The following SRSF10 variants were observed in gnomAD, a reference collection of about 807,000 sequenced individuals.
SRSF10 encodes serine/arginine-rich splicing factor 10.
In SRSF10, 9 loss-of-function variants were observed where a neutral mutation model predicts 32.6. The observed-to-expected ratio is 0.28, with a 90% CI of 0.17 to 0.48. SRSF10 has a LOEUF of 0.48. Among genes scored for constraint, SRSF10 ranks in the 20% least tolerant of loss-of-function variants. SRSF10 has a pLI of 0.99. For missense variants in SRSF10, 201 were observed against 331.8 expected, an observed-to-expected ratio of 0.61 and a Z score of 3.06; for synonymous variants, 105 against 112.4, an observed-to-expected ratio of 0.93 and a Z score of 0.42.
chr1:23,964,685 T>C lies in SRSF10; in HGVS notation c.*6457A>G, dbSNP rs1166807215. ...TTCTAGTATTTTGGTTGCATTCTTGTAGGCAATTTGTAAAGCAAGAGGGAC... is the reference window on the plus strand; with the variant it reads ...TTCTAGTATTTTGGTTGCATTCTTGCAGGCAATTTGTAAAGCAAGAGGGAC... On this transcript the variant is annotated 3_prime_UTR_variant, in exon 6 of 6. Transcript: ENST00000492112. 1.3e-5 allele frequency: 2 copies of C among 152,006 alleles called. No homozygotes were observed. Among genetic ancestry groups the C allele is most frequent in the Non-Finnish European group, 2.9e-5 (2 of 67,896 alleles). 9.4% of individuals were successfully genotyped at this position (152,006 alleles called of 1,614,324 possible). A position where few individuals can be genotyped will look rare whatever the true frequency, so the allele number is the denominator to read the frequency against.
At chr1:23,979,494 G>C (rs1642317020) in intron 1 of SRSF10, among the ~76,000 whole-genome samples, 1 of 152,078 alleles carries the variant, frequency 6.6e-6, no homozygotes, top group Non-Finnish European at 1.5e-5. Context: ...CGAAACAAGG[G>C]AATGGTGAGA....
intron 3 of SRSF10, among the ~76,000 whole-genome samples, chr1:23,974,550 C>T (rs1641967160): frequency 6.6e-6 from 1 of 152,196 alleles, no homozygotes; most frequent in African/African-American, 2.4e-5. Context: ...GGGCCAGGCA[C>T]AGTAGCTCAC....
rs1458119518 is a variant in SRSF10 at position 23,967,928 on chromosome 1, A to C, written c.*3214T>G. On this transcript the variant is annotated 3_prime_UTR_variant, in exon 6 of 6. Transcript: ENST00000492112. ...ACCTTTCCTCTCTCACTGAAGCATTATCTCTCATTTTTCTTCTTGCTTACT... is the reference window on the plus strand; with the variant it reads ...ACCTTTCCTCTCTCACTGAAGCATTCTCTCTCATTTTTCTTCTTGCTTACT... 73 of 1,544,698 alleles carry C rather than the reference A, an allele frequency of 4.7e-5. No individual in the cohort carries two copies. Among genetic ancestry groups the C allele is most frequent in the African/African-American group, 2.8e-5 (2 of 71,818 alleles).
chr1:23,966,794 G>A lies in SRSF10; in HGVS notation c.*4348C>T, dbSNP rs1370407521. On this transcript the variant is annotated 3_prime_UTR_variant, in exon 6 of 6. Coordinates refer to ENST00000492112, the MANE Select transcript of SRSF10 (RefSeq NM_054016.4). Reference sequence around the variant, plus strand: ...ATTTTTTCATTATTTATAATAATGTGATCAAATACTGGATACTTTTAAATG... The same window carrying A: ...ATTTTTTCATTATTTATAATAATGTAATCAAATACTGGATACTTTTAAATG... The A allele has an allele frequency of 6.6e-6, 1 of 151,958 alleles. No homozygotes were observed. Among genetic ancestry groups the A allele is most frequent in the African/African-American group, 2.4e-5 (1 of 41,382 alleles). The allele number at this position is 151,958 out of a possible 1,614,324, so 9.4% of individuals were successfully genotyped here. A position where few individuals can be genotyped will look rare whatever the true frequency, so the allele number is the denominator to read the frequency against.
In SRSF10 at chr1:23,967,401, G is replaced by C; in HGVS notation, c.*3741C>G. On this transcript the variant is annotated 3_prime_UTR_variant, in exon 6 of 6. Coordinates refer to ENST00000492112, the MANE Select transcript of SRSF10 (RefSeq NM_054016.4). ...ATCCTAGTTTCCAATAATTTATTAT[G>C]GACCTGTTACCCATGAATCAATATA... is the stretch of plus-strand genomic sequence containing the variant. The C allele has an allele frequency of 2.9e-6, 1 of 349,698 alleles. No homozygotes were observed. 21.7% of individuals were successfully genotyped at this position (349,698 alleles called of 1,614,324 possible).
chr1:23,974,937 A>T, intron 3 of SRSF10, 37 bp downstream of exon 3: 2 of 1,426,852 alleles, frequency 1.4e-6, no homozygotes, highest in Admixed American at 3.8e-5. Flanking sequence ...ACACTAAAAA[A>T]TAATGTTTCA....
intron 5 of SRSF10, 67 bp from the exon 6 acceptor site, chr1:23,971,506 T>C (rs1235583927): frequency 1.3e-6 from 2 of 1,589,892 alleles, no homozygotes; most frequent in Non-Finnish European, 1.7e-6. Flanking sequence ...AATTTGTTAT[T>C]TTTAGAGCAA....
At position 23,980,283 on chromosome 1, in the gene SRSF10, C is replaced by G; in HGVS notation, c.-28G>C. The G allele has an allele frequency of 1.4e-6, 2 of 1,450,404 alleles. No homozygotes were observed. Among genetic ancestry groups the G allele is most frequent in the Non-Finnish European group, 1.8e-6 (2 of 1,094,682 alleles). 89.8% of individuals were successfully genotyped at this position (1,450,404 alleles called of 1,614,324 possible). The stretch of plus-strand genomic sequence containing the variant: ...CGGCGGCGTGTCTCGGCCGGGCGCA[C>G]TAACGGGCTCAGCAAACCGTCCGCG... On this transcript the variant is annotated 5_prime_UTR_variant, in exon 1 of 6. Transcript: ENST00000492112.
rs1239238886 is a variant in SRSF10, at chr1:23,975,168, CAAT to C, written c.171-94_171-92del. ...ATGTCTGGAACAATTCACAATCTCC[CAAT>C]ATTATTCCAGAACATCAACCAGACC... On this transcript the variant is annotated intron_variant, in intron 2 of 5. Transcript: ENST00000492112. 2.1e-5 allele frequency: 21 copies of C among 1,013,348 alleles called. 2 individuals carry two copies. In the East Asian group the frequency reaches 3.8e-4, roughly 18 times the overall value. 62.8% of individuals were successfully genotyped at this position (1,013,348 alleles called of 1,614,324 possible).
Position 23,967,567 on chromosome 1 carries a change from A to G in SRSF10, c.*3575T>C. 1.4e-6 allele frequency: 1 copy of G among 693,850 alleles called. No homozygotes were observed. The highest frequency in any genetic ancestry group is 2.6e-6 in the Non-Finnish European group (1 of 389,858). The allele number at this position is 693,850 out of a possible 1,614,324, so 43.0% of individuals were successfully genotyped here. A position where few individuals can be genotyped will look rare whatever the true frequency, so the allele number is the denominator to read the frequency against. ...CGATAACATTCTTTTATCTTTTCAG[A>G]CCAGAGTCAAAATATTCGTACAGTA... On this transcript the variant is annotated 3_prime_UTR_variant, in exon 6 of 6. Coordinates refer to ENST00000492112, the MANE Select transcript of SRSF10 (RefSeq NM_054016.4).
intron 3 of SRSF10, among the ~76,000 whole-genome samples, chr1:23,973,992 A>T (rs1205746196): frequency 7.5e-6 from 1 of 134,200 alleles, no homozygotes; most frequent in African/African-American, 2.8e-5. Context: ...CTCAGCAGCT[A>T]TTTTTTTTTT....
Position 23,967,015 on chromosome 1 carries a change from T to C in SRSF10, c.*4127A>G, listed in dbSNP as rs1641487146. On this transcript the variant is annotated 3_prime_UTR_variant, in exon 6 of 6. Transcript: ENST00000492112. ...TTATCTATTTTTCTCAATTATCCAGTACAATGATTTGCCCACAGTAAGGGC... is the reference window on the plus strand; with the variant it reads ...TTATCTATTTTTCTCAATTATCCAGCACAATGATTTGCCCACAGTAAGGGC... 6.6e-6 allele frequency: 1 copy of C among 152,132 alleles called. No homozygotes were observed. The highest frequency in any genetic ancestry group is 6.6e-5 in the Admixed American group (1 of 15,264). The allele number at this position is 152,132 out of a possible 1,614,324, so 9.4% of individuals were successfully genotyped here. A position where few individuals can be genotyped will look rare whatever the true frequency, so the allele number is the denominator to read the frequency against.
chr1:23,971,984 C>T lies in SRSF10; in HGVS notation c.303G>A (p.Gly101=). 6.5e-7 allele frequency: 1 copy of T among 1,527,994 alleles called. No individual in the cohort carries two copies. Among genetic ancestry groups the T allele is most frequent in the Non-Finnish European group, 8.7e-7 (1 of 1,144,358 alleles). 94.7% of individuals were successfully genotyped at this position (1,527,994 alleles called of 1,614,324 possible). A position where few individuals can be genotyped will look rare whatever the true frequency, so the allele number is the denominator to read the frequency against. The change falls in exon 4 of 6, where the codon GGG becomes GGA. Residue 101 remains glycine, a synonymous_variant. Coordinates refer to ENST00000492112, the MANE Select transcript of SRSF10 (RefSeq NM_054016.4). The part of the protein sequence containing the change: ...KTPNQMKAKE[G]RNVYSSSRYD... Reference sequence around the variant, plus strand: ...AGCGTGAAGAACTGTACACATTCCTCCCTTCCTTGGCTTTCATCTGATTTG... The same window carrying T: ...AGCGTGAAGAACTGTACACATTCCTTCCTTCCTTGGCTTTCATCTGATTTG...
chr1:23,968,008 A>T lies in SRSF10; in HGVS notation c.*3134T>A, dbSNP rs1401879754. The T allele has an allele frequency of 3.9e-6, 6 of 1,537,370 alleles. No individual in the cohort carries two copies. In the East Asian group the frequency reaches 7.3e-5, roughly 19 times the overall value. On this transcript the variant is annotated 3_prime_UTR_variant, in exon 6 of 6. Transcript: ENST00000492112. The stretch of plus-strand genomic sequence containing the variant: ...GAGATCTTAAGTAAAAGGAGAGGTG[A>T]AGTGTGTCAGCCCTCATTTGAGTGT...
rs1219058734 is a variant in SRSF10, at chr1:23,967,467, G to A, written c.*3675C>T. ...AGGGATTAGTTTCCACAAGTACAAA[G>A]TTGAATTTCCTTTTATTTGTCCTAA... is the stretch of plus-strand genomic sequence containing the variant. On this transcript the variant is annotated 3_prime_UTR_variant, in exon 6 of 6. Transcript: ENST00000492112. The A allele has an allele frequency of 2.1e-6, 1 of 486,512 alleles. No homozygotes were observed. Among genetic ancestry groups the A allele is most frequent in the Non-Finnish European group, 3.7e-6 (1 of 271,404 alleles). 30.1% of individuals were successfully genotyped at this position (486,512 alleles called of 1,614,324 possible).
At position 23,967,019 on chromosome 1, in the gene SRSF10, A is replaced by G. The variant is rs1641487357; in HGVS notation, c.*4123T>C. The G allele has an allele frequency of 6.6e-6, 1 of 152,138 alleles. No individual in the cohort carries two copies. Among genetic ancestry groups the G allele is most frequent in the East Asian group, 1.9e-4 (1 of 5,194 alleles). 9.4% of individuals were successfully genotyped at this position (152,138 alleles called of 1,614,324 possible). Reference sequence around the variant, plus strand: ...CTATTTTTCTCAATTATCCAGTACAATGATTTGCCCACAGTAAGGGCTCAA... The same window carrying G: ...CTATTTTTCTCAATTATCCAGTACAGTGATTTGCCCACAGTAAGGGCTCAA... On this transcript the variant is annotated 3_prime_UTR_variant, in exon 6 of 6. Transcript: ENST00000492112.
At position 23,970,445 on chromosome 1, in the gene SRSF10, C is replaced by T. The variant is rs1275841671; in HGVS notation, c.*697G>A. 8 of 745,356 alleles carry T rather than the reference C, an allele frequency of 1.1e-5. No homozygotes were observed. The African/African-American group carries it at 1.2e-4, about 11-fold the overall frequency. 46.2% of individuals were successfully genotyped at this position (745,356 alleles called of 1,614,324 possible). A position where few individuals can be genotyped will look rare whatever the true frequency, so the allele number is the denominator to read the frequency against. On this transcript the variant is annotated 3_prime_UTR_variant, in exon 6 of 6. Coordinates refer to ENST00000492112, the MANE Select transcript of SRSF10 (RefSeq NM_054016.4). ...GCGTGATTTTGGCTCACTGCAACTT[C>T]TACCTCCCAGGTTCAAGCGATTCTC... is the stretch of plus-strand genomic sequence containing the variant.
chr1:23,967,352 G>A lies in SRSF10; in HGVS notation c.*3790C>T, dbSNP rs1209845468. ...CAACAGAGGCACTGTAAGAGACTAT[G>A]GCTGTCTTCCTTGATATTCAGACAT... On this transcript the variant is annotated 3_prime_UTR_variant, in exon 6 of 6. Coordinates refer to ENST00000492112, the MANE Select transcript of SRSF10 (RefSeq NM_054016.4). 4.0e-6 allele frequency: 1 copy of A among 253,150 alleles called. No individual in the cohort carries two copies. The highest frequency in any genetic ancestry group is 7.6e-6 in the Non-Finnish European group (1 of 131,786). 15.7% of individuals were successfully genotyped at this position (253,150 alleles called of 1,614,324 possible). A position where few individuals can be genotyped will look rare whatever the true frequency, so the allele number is the denominator to read the frequency against.
At chr1:23,972,240 T>C (rs1641802121) in intron 3 of SRSF10, among the ~76,000 whole-genome samples, 1 of 151,926 alleles carries the variant, frequency 6.6e-6, no homozygotes, top group African/African-American at 2.4e-5. Flanking sequence ...CAATATGCCA[T>C]TTCTACAAAA....
Sources: allele counts gnomAD v4.1 joint callset (sites outside exome capture counted in the v4.1 genomes callset), GRCh38; gene constraint gnomAD v4.1.1; transcripts MANE v1.5; gene names NCBI Gene and HGNC (gene_info 2026-07-23, HGNC 2026-07-21).